Variants in AAMDC observed in about 807,000 individuals in gnomAD.
AAMDC encodes adipogenesis associated Mth938 domain containing.
AAMDC carries 16 observed loss-of-function variants against 15.5 expected under a neutral mutation model. The observed-to-expected ratio is 1.03, with a 90% CI of 0.70 to 1.57. The LOEUF (loss-of-function observed/expected upper bound fraction) is 1.57. Among genes scored for constraint, AAMDC ranks in the 40% most tolerant of loss-of-function variants. AAMDC has a pLI of 0.00. For missense variants in AAMDC, 141 were observed against 144.9 expected, an observed-to-expected ratio of 0.97 and a Z score of 0.14; for synonymous variants, 51 against 51.6, an observed-to-expected ratio of 0.99 and a Z score of 0.05.
At chr11:77,877,258 A>T (rs940646889), downstream of AAMDC, among the ~76,000 whole-genome samples, 1 of 55,234 alleles carries the variant, frequency 1.8e-5, no homozygotes, top group Admixed American at 1.9e-4. Context: ...CTAGAGAGTT[A>T]ATTAATTAAT....
intron 1 of AAMDC, among the ~76,000 whole-genome samples, chr11:77,824,226 C>G (rs1358256695): frequency 6.6e-6 from 1 of 152,132 alleles, no homozygotes; most frequent in Non-Finnish European, 1.5e-5. Context: ...AGCTTAACGA[C>G]AATTTATGTA....
At chr11:77,894,988 C>T (rs948954780) in intron 5 of AAMDC, among the ~76,000 whole-genome samples, 21 of 152,152 alleles carry the variant, frequency 1.4e-4, no homozygotes, top group Non-Finnish European at 2.2e-4. Context: ...AAGAAACATA[C>T]CTAAAAAGTT....
chr11:77,877,097 C>T (rs1483822702), downstream of AAMDC: 7 of 700,028 alleles, frequency 1.0e-5, no homozygotes, highest in East Asian at 2.7e-5. Flanking sequence ...CATTCTTCCC[C>T]TAGTCCCTCT....
chr11:77,852,018 T>G (rs945677600), intron 2 of AAMDC, among the ~76,000 whole-genome samples: 2 of 152,012 alleles, frequency 1.3e-5, no homozygotes, highest in African/African-American at 4.8e-5. Flanking sequence ...TTGCTTTATC[T>G]AGTCCTCTGT....
chr11:77,855,903 A>T (rs960506510), intron 2 of AAMDC, among the ~76,000 whole-genome samples: 10 of 152,052 alleles, frequency 6.6e-5, no homozygotes, highest in Admixed American at 2.6e-4. Context: ...AGATTGCTTA[A>T]GTTCAGGAGT....
intron 2 of AAMDC, among the ~76,000 whole-genome samples, chr11:77,849,641 G>T (rs561359924): frequency 9.9e-5 from 15 of 152,102 alleles, no homozygotes; most frequent in Admixed American, 9.2e-4. Flanking sequence ...CTGTTTTTTT[G>T]TGTGTTTTTT....
At chr11:77,855,949 C>T (rs1267196608) in intron 2 of AAMDC, among the ~76,000 whole-genome samples, 1 of 151,990 alleles carries the variant, frequency 6.6e-6, no homozygotes, top group Admixed American at 6.6e-5. Context: ...AAAACCCTGG[C>T]TCTAGCAAAA....
intron 5 of AAMDC, among the ~76,000 whole-genome samples, chr11:77,896,389 C>T (rs533952620): frequency 2.6e-5 from 4 of 152,280 alleles, no homozygotes; most frequent in East Asian, 1.9e-4. Flanking sequence ...CAGTGGCTCA[C>T]GCCTGTAATT....
chr11:77,836,735 G>A (rs755096208), intron 1 of AAMDC, among the ~76,000 whole-genome samples: 1 of 152,216 alleles, frequency 6.6e-6, no homozygotes, highest in Non-Finnish European at 1.5e-5. Flanking sequence ...GGAGGCCTAG[G>A]CGGGTGGATC....
chr11:77,823,588 C>T (rs1011237920), intron 1 of AAMDC, among the ~76,000 whole-genome samples: 2 of 138,074 alleles, frequency 1.4e-5, no homozygotes, highest in African/African-American at 5.5e-5. Flanking sequence ...TGCCACTGCA[C>T]TCCAGCCTGG....
chr11:77,848,342 G>A (rs1433435279), intron 2 of AAMDC, among the ~76,000 whole-genome samples: 1 of 152,046 alleles, frequency 6.6e-6, no homozygotes, highest in Non-Finnish European at 1.5e-5. Context: ...GACCATATGA[G>A]TTAATATTAC....
At chr11:77,897,508 A>T (rs58020660) in intron 5 of AAMDC, among the ~76,000 whole-genome samples, 19,276 of 148,380 alleles carry the variant, frequency 0.13, 1,446 homozygotes, top group Admixed American at 0.2. Context: ...TATTATTATT[A>T]TTTTTTTTTT....
intron 2 of AAMDC, among the ~76,000 whole-genome samples, chr11:77,843,114 C>T (rs1055248021): frequency 1.3e-5 from 2 of 152,222 alleles, no homozygotes; most frequent in South Asian, 2.1e-4. Context: ...AAGGCACCTG[C>T]ACCATTTTAC....
At chr11:77,905,416 C>T (rs1458125330), downstream of AAMDC, among the ~76,000 whole-genome samples, 2 of 151,462 alleles carry the variant, frequency 1.3e-5, no homozygotes, top group African/African-American at 2.4e-5. Flanking sequence ...GCCGAGATCA[C>T]GCCACTGTAT....
chr11:77,833,922 A>G (rs1949564803), intron 1 of AAMDC, among the ~76,000 whole-genome samples: 1 of 152,184 alleles, frequency 6.6e-6, no homozygotes, highest in South Asian at 2.1e-4. Flanking sequence ...AGAGTTATAC[A>G]TGTTAGAAGC....
At chr11:77,880,418 C>T (rs1038775559) in intron 5 of AAMDC, among the ~76,000 whole-genome samples, 2 of 152,196 alleles carry the variant, frequency 1.3e-5, no homozygotes, top group Admixed American at 1.3e-4. Flanking sequence ...TAAGTGCAGC[C>T]TCATCATCAA....
chr11:77,894,947 C>T (rs1272802988), intron 5 of AAMDC, among the ~76,000 whole-genome samples: 3 of 152,150 alleles, frequency 2.0e-5, no homozygotes, highest in Non-Finnish European at 4.4e-5. Context: ...GCGGTATAGC[C>T]TACTAATGTA....
chr11:77,878,091 G>A lies in AAMDC; in HGVS notation c.328+1042G>A, dbSNP rs998573750. 3.9e-5 allele frequency among the ~76,000 whole-genome samples: 6 copies of A among 152,226 alleles called. No individual in the cohort carries two copies. In the East Asian group the frequency reaches 9.6e-4, roughly 24 times the overall value. ...AAGAATTTCCTTCAAAGCAAGGCGCGGTTGCTCACACTTGTAATCCCAGCA... is the reference window on the plus strand; with the variant it reads ...AAGAATTTCCTTCAAAGCAAGGCGCAGTTGCTCACACTTGTAATCCCAGCA... On this transcript the variant is annotated intron_variant, in intron 5 of 5. Coordinates refer to the AAMDC transcript ENST00000304716.
At chr11:77,821,720 T>TCGGGG (rs921308300) in intron 1 of AAMDC, among the ~76,000 whole-genome samples, 4 of 150,502 alleles carry the variant, frequency 2.7e-5, no homozygotes, top group Non-Finnish European at 4.4e-5. Flanking sequence ...GGGTTCCACT[T>TCGGGG]CGGGGCGGGG....
Sources: allele counts gnomAD v4.1 joint callset (sites outside exome capture counted in the v4.1 genomes callset), GRCh38; gene constraint gnomAD v4.1.1; transcripts MANE v1.5; gene names NCBI Gene and HGNC (gene_info 2026-07-23, HGNC 2026-07-21).